NCAM2: variants seen among roughly 807,000 people sequenced by gnomAD.
NCAM2 encodes N-CAM-2.
Under a neutral mutation model 98.1 loss-of-function variants are expected in NCAM2, and 30 were observed. The observed-to-expected ratio is 0.31, with a 90% CI of 0.23 to 0.41. NCAM2 has a LOEUF of 0.41. Among genes scored for constraint, NCAM2 ranks in the 10% least tolerant of loss-of-function variants. The probability of loss-of-function intolerance (pLI) is 1.00; values close to 1 mark genes in which losing one functional copy is unlikely to be tolerated. For synonymous variants in NCAM2, 368 were observed against 342.4 expected, an observed-to-expected ratio of 1.07 and a Z score of -0.83; for missense variants, 867 against 1,005.8, an observed-to-expected ratio of 0.86 and a Z score of 1.87.
chr21:21,274,285 A>G (rs1454520835), intron 1 of NCAM2, among the ~76,000 whole-genome samples: 1 of 152,214 alleles, frequency 6.6e-6, no homozygotes, highest in Non-Finnish European at 1.5e-5. Flanking sequence ...GTACAGATAT[A>G]AAGATGTATG....
intron 1 of NCAM2, among the ~76,000 whole-genome samples, chr21:21,253,252 A>G (rs1333998888): frequency 1.3e-5 from 2 of 152,210 alleles, no homozygotes; most frequent in Admixed American, 6.5e-5. Flanking sequence ...AGCAATTTGA[A>G]TGGAAGTGGG....
At chr21:21,241,106 G>T (rs2071048717) in intron 1 of NCAM2, among the ~76,000 whole-genome samples, 1 of 151,968 alleles carries the variant, frequency 6.6e-6, no homozygotes. Flanking sequence ...TTCTCCATTT[G>T]TAAAGTGTGA....
intron 15 of NCAM2, among the ~76,000 whole-genome samples, chr21:21,502,873 C>T (rs566718331): frequency 1.2e-4 from 19 of 152,034 alleles, no homozygotes; most frequent in African/African-American, 2.2e-4. Context: ...CAGCTTTCCA[C>T]GTCCTGAAAT....
At chr21:21,487,712 C>T (rs1384628190) in intron 15 of NCAM2, among the ~76,000 whole-genome samples, 1 of 152,008 alleles carries the variant, frequency 6.6e-6, no homozygotes, top group Non-Finnish European at 1.5e-5. Context: ...TTCTTTCCTC[C>T]ATTTTACAGT....
intron 15 of NCAM2, among the ~76,000 whole-genome samples, chr21:21,497,639 G>A (rs1440360244): frequency 6.6e-6 from 1 of 152,072 alleles, no homozygotes; most frequent in Non-Finnish European, 1.5e-5. Context: ...ACAACATTTT[G>A]ACAAAACATT....
chr21:21,328,145 A>G (rs1300579544), intron 6 of NCAM2, among the ~76,000 whole-genome samples: 1 of 152,196 alleles, frequency 6.6e-6, no homozygotes. Context: ...TAAGATTATA[A>G]TGGAGCTGAA....
intron 12 of NCAM2, among the ~76,000 whole-genome samples, chr21:21,437,395 G>T: frequency 6.6e-6 from 1 of 151,880 alleles, no homozygotes; most frequent in South Asian, 2.1e-4. Flanking sequence ...GATCGATCAT[G>T]TGAGCAATTT....
intron 1 of NCAM2, among the ~76,000 whole-genome samples, chr21:21,171,209 T>C (rs2068113785): frequency 6.6e-6 from 1 of 152,196 alleles, no homozygotes; most frequent in Admixed American, 6.5e-5. Context: ...GACAAGGACT[T>C]GTAGCATGTT....
At chr21:21,396,594 G>C (rs1306397874) in intron 9 of NCAM2, among the ~76,000 whole-genome samples, 2 of 151,628 alleles carry the variant, frequency 1.3e-5, no homozygotes, top group African/African-American at 4.9e-5. Flanking sequence ...GGAGTGGTGA[G>C]GGGTGTATCA....
At chr21:21,483,012 G>A (rs1321367761) in intron 15 of NCAM2, among the ~76,000 whole-genome samples, 1 of 151,906 alleles carries the variant, frequency 6.6e-6, no homozygotes, top group Non-Finnish European at 1.5e-5. Context: ...GATTTGTTCT[G>A]TAATCTTAAT....
intron 1 of NCAM2, among the ~76,000 whole-genome samples, chr21:21,125,646 G>A (rs1362772640): frequency 2.3e-5 from 3 of 133,240 alleles, no homozygotes; most frequent in African/African-American, 8.3e-5. Flanking sequence ...TATTTTACGT[G>A]TATATGTAGA....
At chr21:21,328,942 T>C (rs2147820697) in intron 6 of NCAM2, among the ~76,000 whole-genome samples, 1 of 151,634 alleles carries the variant, frequency 6.6e-6, no homozygotes, top group East Asian at 1.9e-4. Flanking sequence ...GCCCTATATA[T>C]GTATAGCATT....
chr21:21,540,614 A>T lies in NCAM2; in HGVS notation c.*2657A>T, dbSNP rs570766097. 48 of 152,244 alleles carry T rather than the reference A, an allele frequency of 3.2e-4. No individual in the cohort carries two copies. The highest frequency in any genetic ancestry group is 9.1e-4 in the African/African-American group (38 of 41,582). The allele number at this position is 152,244 out of a possible 1,614,324, so 9.4% of individuals were successfully genotyped here. ...CATTCTTATTCTAGATTAAACAAAC[A>T]TATACATATAACCATATAAATGTTA... On this transcript the variant is annotated 3_prime_UTR_variant, in exon 18 of 18. Coordinates refer to ENST00000400546, the MANE Select transcript of NCAM2 (RefSeq NM_004540.5).
chr21:21,186,734 A>T (rs116753215), intron 1 of NCAM2, among the ~76,000 whole-genome samples: 1,969 of 152,292 alleles, frequency 0.013, 37 homozygotes, highest in African/African-American at 0.044. Context: ...TATATAAAAG[A>T]TGATCTACAT....
At chr21:21,349,847 T>A (rs562236231) in intron 8 of NCAM2, among the ~76,000 whole-genome samples, 2 of 152,304 alleles carry the variant, frequency 1.3e-5, no homozygotes, top group East Asian at 3.9e-4. Context: ...ATGTTCTCAC[T>A]TATTTGTGGG....
intron 1 of NCAM2, among the ~76,000 whole-genome samples, chr21:21,227,772 G>T (rs1054056556): frequency 2.0e-4 from 30 of 151,760 alleles, no homozygotes; most frequent in African/African-American, 7.2e-4. Context: ...TATCTGAATG[G>T]AAAAAAATTG....
In NCAM2 at chr21:21,221,050, C is replaced by T. The variant is rs541933745; in HGVS notation, c.56-59528C>T. The stretch of plus-strand genomic sequence containing the variant: ...ATTCTTACAATATTGCAAACTTTCT[C>T]ACTAATGTATCTGTTACGGTGATCT... On this transcript the variant is annotated intron_variant, in intron 1 of 17. Coordinates refer to ENST00000400546, the MANE Select transcript of NCAM2 (RefSeq NM_004540.5). Among the ~76,000 whole-genome samples the T allele has an allele frequency of 3.9e-5, 6 of 152,236 alleles. No individual in the cohort carries two copies. The East Asian group carries it at 7.7e-4, about 20-fold the overall frequency.
intron 9 of NCAM2, among the ~76,000 whole-genome samples, chr21:21,380,908 C>CT (rs1251969056): frequency 7.4e-6 from 1 of 135,208 alleles, no homozygotes; most frequent in African/African-American, 2.8e-5. Context: ...AAATACCTCT[C>CT]TTTTTCTCTG....
At chr21:21,138,548 G>C (rs1452575638) in intron 1 of NCAM2, among the ~76,000 whole-genome samples, 2 of 152,020 alleles carry the variant, frequency 1.3e-5, no homozygotes, top group African/African-American at 2.4e-5. Context: ...TCCATATTGT[G>C]AACTACATGA....
Sources: gnomAD v4.1 joint callset for allele counts (sites outside exome capture counted in the v4.1 genomes callset) on GRCh38, gnomAD v4.1.1 for gene constraint, MANE v1.5 for transcripts, NCBI Gene and HGNC (gene_info 2026-07-23, HGNC 2026-07-21) for gene names.